PPP1R9A: variants seen among roughly 807,000 people sequenced by gnomAD.
The protein encoded by PPP1R9A is neurabin-1.
In PPP1R9A, 59 loss-of-function variants were observed where a neutral mutation model predicts 141.9. The ratio of observed to expected loss-of-function variants is 0.42; its 90% CI spans 0.34 to 0.52. The LOEUF (loss-of-function observed/expected upper bound fraction) is 0.52. PPP1R9A is among the 20% of genes least tolerant of loss of function. The probability of loss-of-function intolerance (pLI) is 0.10; values close to 1 mark genes in which losing one functional copy is unlikely to be tolerated. For missense variants in PPP1R9A, 1,444 were observed against 1,611.9 expected, an observed-to-expected ratio of 0.90 and a Z score of 1.78; for synonymous variants, 500 against 569.7, an observed-to-expected ratio of 0.88 and a Z score of 1.74.
Position 95,268,568 on chromosome 7 carries a change from C to T in PPP1R9A, c.2684C>T (p.Pro895Leu), listed in dbSNP as rs1417294639. The change falls in exon 13 of 20, where the codon CCA becomes CTA. Residue 895 changes from proline (P) to leucine (L), a missense_variant. By Grantham distance (98) the Pro-to-Leu change is moderately conservative. Around this residue, in one of 5 missense-constraint regions of PPP1R9A, gnomAD observed 488 missense variants for 542.0 expected, o/e 0.90. Coordinates refer to ENST00000433360, the MANE Select transcript of PPP1R9A (RefSeq NM_001166160.2). ...GLSQDLNEAVPETERLDSKAL... is the reference protein window; with the variant it reads ...GLSQDLNEAVLETERLDSKAL... ...TTCTTAGACTTGAATGAAGCAGTCC[C>T]AGAGACAGAGCGCCTGGATTCAAAA... is the stretch of plus-strand genomic sequence containing the variant. The T allele has an allele frequency of 6.2e-7, 1 of 1,613,254 alleles. No homozygotes were observed. The highest frequency in any genetic ancestry group is 8.5e-7 in the Non-Finnish European group (1 of 1,179,440).
intron 5 of PPP1R9A, among the ~76,000 whole-genome samples, chr7:95,172,383 A>G (rs1033840642): frequency 6.6e-6 from 1 of 151,766 alleles, no homozygotes; most frequent in African/African-American, 2.4e-5. Flanking sequence ...TCTACAAAAG[A>G]TGCTACTTGA....
chr7:95,041,453 C>A (rs1190494706), intron 2 of PPP1R9A, among the ~76,000 whole-genome samples: 3 of 152,136 alleles, frequency 2.0e-5, no homozygotes, highest in African/African-American at 7.2e-5. Flanking sequence ...CATATTTCAT[C>A]TTGACAATGT....
At chr7:95,283,840 A>G (rs1804746318) in intron 16 of PPP1R9A, among the ~76,000 whole-genome samples, 178 bp from the exon 17 acceptor site, 1 of 152,248 alleles carries the variant, frequency 6.6e-6, no homozygotes, top group South Asian at 2.1e-4. Context: ...GAATCCATTT[A>G]GAGGCAAAAA....
At position 95,187,477 on chromosome 7, in the gene PPP1R9A, A is replaced by C. The variant is rs569452705; in HGVS notation, c.1755-10872A>C. Among the ~76,000 whole-genome samples the C allele has an allele frequency of 8.6e-5, 13 of 151,840 alleles. 1 individual carries two copies. The South Asian group carries it at 2.7e-3, about 32-fold the overall frequency. On this transcript the variant is annotated intron_variant, in intron 5 of 19. Coordinates refer to ENST00000433360, the MANE Select transcript of PPP1R9A (RefSeq NM_001166160.2). ...AAAAACCCAGCTTTTTATTTCATTG[A>C]TTTTTTGTATTTTTTGTTGTTTGTT... is the stretch of plus-strand genomic sequence containing the variant.
chr7:95,006,418 C>T lies in PPP1R9A; in HGVS notation c.1395+94910C>T, dbSNP rs186195253. Among the ~76,000 whole-genome samples the T allele has an allele frequency of 3.4e-3, 513 of 151,988 alleles. 5 individuals carry two copies. The highest frequency in any genetic ancestry group is 0.012 in the African/African-American group (488 of 41,446). ...ATTTTTAGTAGAGACAGGGTTTTAC[C>T]GTGTTGGCCAGGCTGGTCTCGAACT... On this transcript the variant is annotated intron_variant, in intron 2 of 19. Transcript: ENST00000433360.
At chr7:94,984,928 G>T (rs1010483182) in intron 2 of PPP1R9A, among the ~76,000 whole-genome samples, 11 of 152,010 alleles carry the variant, frequency 7.2e-5, no homozygotes, top group Non-Finnish European at 2.9e-5. Context: ...TGATGTTAGG[G>T]TGTCAATTTT....
At chr7:95,270,297 G>T (rs1332014513) in intron 14 of PPP1R9A, among the ~76,000 whole-genome samples, 1 of 152,056 alleles carries the variant, frequency 6.6e-6, no homozygotes, top group Non-Finnish European at 1.5e-5. Context: ...CATTTATCTA[G>T]AATTTTTAAA....
chr7:94,942,710 A>G (rs1353876617), intron 2 of PPP1R9A, among the ~76,000 whole-genome samples: 2 of 152,030 alleles, frequency 1.3e-5, no homozygotes, highest in African/African-American at 4.8e-5. Flanking sequence ...AGGCTGAGGC[A>G]GGGGAATCAC....
Position 95,288,599 on chromosome 7 carries a change from A to T in PPP1R9A, c.3793A>T (p.Ser1265Cys), listed in dbSNP as rs1011893722. 37 of 1,613,986 alleles carry T rather than the reference A, an allele frequency of 2.3e-5. No homozygotes were observed. The highest frequency in any genetic ancestry group is 5.0e-5 in the Admixed American group (3 of 59,972). Residue 1265 changes from serine to cysteine, a missense_variant, in exon 19 of 20, where the codon AGT becomes TGT. By Grantham distance (112) the Ser-to-Cys change is moderately radical (BLOSUM62 -1). Coordinates refer to ENST00000433360, the MANE Select transcript of PPP1R9A (RefSeq NM_001166160.2). ...QCQNRAVQEWSVQQVSHWLMS... is the reference protein window; with the variant it reads ...QCQNRAVQEWCVQQVSHWLMS... The stretch of plus-strand genomic sequence containing the variant: ...TCAGAATCGGGCCGTTCAGGAATGG[A>T]GTGTGCAGCAGGTTTCTCACTGGTT...
chr7:95,143,338 T>C (rs1175241265), intron 4 of PPP1R9A, among the ~76,000 whole-genome samples: 1 of 152,156 alleles, frequency 6.6e-6, no homozygotes, highest in Non-Finnish European at 1.5e-5. Flanking sequence ...CCATTCTGCC[T>C]TGCTAGAAGA....
intron 2 of PPP1R9A, among the ~76,000 whole-genome samples, chr7:95,053,174 C>T (rs1160573565): frequency 6.6e-6 from 1 of 152,124 alleles, no homozygotes; most frequent in Admixed American, 6.6e-5. Context: ...GTTAGGGTCT[C>T]TCTGTGTTGA....
chr7:94,961,257 G>T (rs970516908), intron 2 of PPP1R9A, among the ~76,000 whole-genome samples: 1 of 151,394 alleles, frequency 6.6e-6, no homozygotes, highest in African/African-American at 2.4e-5. Context: ...CTTAATGAGG[G>T]GTGGTTTATT....
At chr7:95,141,486 AC>A (rs1255017396) in intron 4 of PPP1R9A, among the ~76,000 whole-genome samples, 1 of 152,182 alleles carries the variant, frequency 6.6e-6, no homozygotes, top group Non-Finnish European at 1.5e-5. Flanking sequence ...TCAAAAAGAA[AC>A]CCCAAATCCA....
At chr7:94,922,689 A>G (rs1053849985) in intron 2 of PPP1R9A, among the ~76,000 whole-genome samples, 15 of 152,166 alleles carry the variant, frequency 9.9e-5, no homozygotes, top group African/African-American at 3.6e-4. Context: ...AAATATGTGT[A>G]TTTGCAGCTA....
intron 5 of PPP1R9A, among the ~76,000 whole-genome samples, chr7:95,195,542 T>A (rs777856367): frequency 4.0e-5 from 6 of 151,580 alleles, no homozygotes; most frequent in Non-Finnish European, 7.4e-5. Flanking sequence ...CCTCCCGAAG[T>A]GCTGGGGTTA....
At chr7:95,211,155 AAC>A (rs1037639951) in intron 7 of PPP1R9A, among the ~76,000 whole-genome samples, 6 of 151,964 alleles carry the variant, frequency 3.9e-5, no homozygotes, top group African/African-American at 9.7e-5. Context: ...AAAAAAAAAA[AAC>A]ATTAAAAATA....
intron 2 of PPP1R9A, among the ~76,000 whole-genome samples, chr7:95,034,321 T>A (rs1338911979): frequency 1.3e-5 from 2 of 151,898 alleles, no homozygotes; most frequent in African/African-American, 2.4e-5. Flanking sequence ...ATAACATTTT[T>A]AAAATACAGC....
intron 16 of PPP1R9A, among the ~76,000 whole-genome samples, chr7:95,274,860 T>C (rs1254030106): frequency 6.6e-6 from 1 of 152,176 alleles, no homozygotes; most frequent in Non-Finnish European, 1.5e-5. Context: ...TTTTAAATCT[T>C]GGGCAAGTGA....
At chr7:95,217,328 A>C (rs181284341) in intron 7 of PPP1R9A, among the ~76,000 whole-genome samples, 3 of 152,286 alleles carry the variant, frequency 2.0e-5, no homozygotes, top group South Asian at 2.1e-4. Flanking sequence ...CCACTTGATC[A>C]TGGTGGATAA....
Sources: allele counts gnomAD v4.1 joint callset (sites outside exome capture counted in the v4.1 genomes callset), GRCh38; gene constraint gnomAD v4.1.1; regional missense constraint gnomAD v4.1.1; transcripts MANE v1.5; gene names NCBI Gene and HGNC (gene_info 2026-07-23, HGNC 2026-07-21).